Variants in UCP2 observed in about 807,000 individuals in gnomAD.
The protein encoded by UCP2 is uncoupling protein 2.
UCP2 carries 27 observed loss-of-function variants against 31.3 expected under a neutral mutation model. The observed-to-expected ratio is 0.86, with a 90% CI of 0.64 to 1.19. UCP2 has a LOEUF of 1.19. UCP2 is among the 50% of genes most tolerant of loss of function. The pLI is 0.00. For missense variants in UCP2, 377 were observed against 413.5 expected (o/e 0.91, Z 0.76); for synonymous variants, 142 against 157.4 (o/e 0.90, Z 0.73).
At chr11:73,982,342 T>A (rs1004227495) in intron 1 of UCP2, among the ~76,000 whole-genome samples, 2 of 152,236 alleles carry the variant, frequency 1.3e-5, no homozygotes, top group African/African-American at 4.8e-5. Flanking sequence ...ATTCTAGGAC[T>A]TTGTGAGGCC....
chr11:73,974,924 G>T lies in UCP2; in HGVS notation c.*83C>A. ...AAGAGGGAAGGAGAGAAGGGAAGGA[G>T]GGAAGAGAAAGAAGGAAGAAAAGGA... On this transcript the variant is annotated 3_prime_UTR_variant, in exon 8 of 8. Coordinates refer to ENST00000663595, the MANE Select transcript of UCP2 (RefSeq NM_003355.3). 2.6e-6 allele frequency: 3 copies of T among 1,149,490 alleles called. No homozygotes were observed. Among genetic ancestry groups the T allele is most frequent in the South Asian group, 1.3e-5 (1 of 75,982 alleles). The allele number at this position is 1,149,490 out of a possible 1,614,324, so 71.2% of individuals were successfully genotyped here.
In UCP2 at chr11:73,979,329, C is replaced by T. The variant is rs952059183; in HGVS notation, c.-99-852G>A. ...TGGGAGGCTGAGGCGGGCGAATCAC[C>T]TGAGGTCAGGAGTTTGAGACCAGCT... On this transcript the variant is annotated intron_variant, in intron 2 of 7. Transcript: ENST00000663595. 3.3e-5 allele frequency among the ~76,000 whole-genome samples: 5 copies of T among 152,008 alleles called. No individual in the cohort carries two copies. The East Asian group carries it at 9.7e-4, about 29-fold the overall frequency.
chr11:73,982,721 C>A lies in UCP2; in HGVS notation c.-257G>T. On this transcript the variant is annotated splice_region_variant and 5_prime_UTR_variant, in exon 1 of 8. Coordinates refer to ENST00000663595, the MANE Select transcript of UCP2 (RefSeq NM_003355.3). ...GGCGCAGGGCTGGGGCCAGGCTCAC[C>A]GAGCCGCAGGGAGAACACGGCAGTG... 6.6e-6 allele frequency: 1 copy of A among 152,570 alleles called. No homozygotes were observed. The highest frequency in any genetic ancestry group is 1.5e-5 in the Non-Finnish European group (1 of 68,234). 9.5% of individuals were successfully genotyped at this position (152,570 alleles called of 1,614,324 possible).
intron 6 of UCP2, 64 bp downstream of exon 6, chr11:73,976,576 AC>A: frequency 7.8e-7 from 1 of 1,282,294 alleles, no homozygotes. Context: ...TGTCAGCTAG[AC>A]CCCCGCACCT....
chr11:73,979,429 C>G (rs766023106), intron 2 of UCP2, among the ~76,000 whole-genome samples: 1 of 152,210 alleles, frequency 6.6e-6, no homozygotes, highest in East Asian at 1.9e-4. Context: ...CGCCTGTATT[C>G]CCAACTACTT....
chr11:73,977,753 C>T, intron 4 of UCP2, 133 bp downstream of exon 4: 1 of 1,209,612 alleles, frequency 8.3e-7, no homozygotes, highest in Non-Finnish European at 1.2e-6. Flanking sequence ...GGACCAGGGC[C>T]CCTTCCAGTT....
At position 73,976,941 on chromosome 11, in the gene UCP2, A is replaced by G. The variant is rs1276856089; in HGVS notation, c.414T>C (p.Asp138=). The change falls in exon 5 of 8, where the codon GAT becomes GAC. Residue 138 remains aspartate (D), a synonymous_variant. Coordinates refer to ENST00000663595, the MANE Select transcript of UCP2 (RefSeq NM_003355.3). ...GAGCTTGGAATCGGACCTTTACCACATCCGTGGGCTGGGCCACAGCCACAG... is the reference window on the plus strand; with the variant it reads ...GAGCTTGGAATCGGACCTTTACCACGTCCGTGGGCTGGGCCACAGCCACAG... ...ALAVAVAQPT[D]VVKVRFQAQA... 1 of 1,612,018 alleles carries G rather than the reference A, an allele frequency of 6.2e-7. No homozygotes were observed. The highest frequency in any genetic ancestry group is 8.5e-7 in the Non-Finnish European group (1 of 1,178,322).
intron 2 of UCP2, among the ~76,000 whole-genome samples, chr11:73,979,057 C>T (rs752783820): frequency 6.6e-6 from 1 of 152,206 alleles, no homozygotes; most frequent in Non-Finnish European, 1.5e-5. Context: ...ATTGTTTTAG[C>T]AAGACTGCTT....
rs114657699 is a variant in UCP2 at position 73,982,339 on chromosome 11, G to A, written c.-257+382C>T. ...CGGAGGCTCATGCCTAAAATTCTAG[G>A]ACTTTGTGAGGCCGAGGCGGGCGGA... On this transcript the variant is annotated intron_variant, in intron 1 of 7. Transcript: ENST00000663595. Among the ~76,000 whole-genome samples the A allele has an allele frequency of 8.9e-4, 136 of 152,362 alleles. 2 individuals carry two copies. The highest frequency in any genetic ancestry group is 2.7e-3 in the Admixed American group (41 of 15,306).
chr11:73,975,710 C>T, intron 6 of UCP2, 39 bp from the exon 7 acceptor site: 4 of 1,611,522 alleles, frequency 2.5e-6, no homozygotes, highest in Non-Finnish European at 3.4e-6. Context: ...AAGATCTTCA[C>T]CCATCATTCC....
chr11:73,977,488 TG>T (rs45507497), intron 4 of UCP2, among the ~76,000 whole-genome samples: 1,567 of 152,274 alleles, frequency 0.01, 33 homozygotes, highest in African/African-American at 0.035. Context: ...AGGGTTGGCA[TG>T]GCATACTAAG....
At position 73,975,623 on chromosome 11, in the gene UCP2, G is replaced by T; in HGVS notation, c.683C>A (p.Thr228Asn). Residue 228 changes from threonine to asparagine, a missense_variant, in exon 7 of 8, where the codon ACC becomes AAC. Physicochemically the swap from Thr to Asn is moderately conservative, Grantham distance 65. Transcript: ENST00000663595. ...GTCTACAGGGGAGGCGATGACAGTG[G>T]TGCAGAAGCCTGCCCCAAAGGCAGA... ...FTSAFGAGFCTTVIASPVDVV... is the reference protein window; with the variant it reads ...FTSAFGAGFCNTVIASPVDVV... The T allele has an allele frequency of 6.2e-7, 1 of 1,614,258 alleles. No individual in the cohort carries two copies.
intron 2 of UCP2, chr11:73,981,266 A>T (rs1424033347): frequency 6.6e-6 from 1 of 152,228 alleles, no homozygotes; most frequent in Non-Finnish European, 1.5e-5. Context: ...CCTTTATAAA[A>T]TGGGGACCAA....
chr11:73,976,608 G>A (rs948567096), intron 6 of UCP2, 33 bp downstream of exon 6: 23 of 1,571,710 alleles, frequency 1.5e-5, no homozygotes, highest in Non-Finnish European at 2.0e-5. Context: ...TGGGGGAAGG[G>A]TGAGACCCAG....
At chr11:73,978,565 A>C in intron 2 of UCP2, 88 bp from the exon 3 acceptor site, 1 of 802,974 alleles carries the variant, frequency 1.2e-6, no homozygotes. Flanking sequence ...CCCTAATAGA[A>C]CCAAGTCCCT....
At chr11:73,978,133 A>T (rs2135368178) in intron 3 of UCP2, 37 bp from the exon 4 acceptor site, 2 of 1,613,900 alleles carry the variant, frequency 1.2e-6, no homozygotes, top group Admixed American at 3.3e-5. Flanking sequence ...AGGGATAAGC[A>T]TGTTGCCCTT....
chr11:73,977,320 T>G (rs902654664), intron 4 of UCP2, among the ~76,000 whole-genome samples: 1 of 152,226 alleles, frequency 6.6e-6, no homozygotes, highest in Non-Finnish European at 1.5e-5. Context: ...ATCATTTCCA[T>G]CTGACAAATG....
intron 2 of UCP2, 154 bp from the exon 3 acceptor site, chr11:73,978,631 T>C (rs1306198044): frequency 4.8e-5 from 24 of 500,520 alleles, no homozygotes; most frequent in Non-Finnish European, 7.6e-5. Context: ...CGAGAGGCAC[T>C]CAGTTAGGTG....
In UCP2 at chr11:73,975,477, G is replaced by GA. The variant is rs1260304931; in HGVS notation, c.815+13dup. 1 of 1,604,896 alleles carries GA rather than the reference G, an allele frequency of 6.2e-7. No homozygotes were observed. The highest frequency in any genetic ancestry group is 8.5e-7 in the Non-Finnish European group (1 of 1,174,760). On this transcript the variant is annotated intron_variant, in intron 7 of 7. Coordinates refer to ENST00000663595, the MANE Select transcript of UCP2 (RefSeq NM_003355.3). Reference sequence around the variant, plus strand: ...CAAGAGGCCTGAACTGGGTGGGGAGGACCAGAGGCTCACCCTTTGTAGAAG... The same window carrying GA: ...CAAGAGGCCTGAACTGGGTGGGGAGGAACCAGAGGCTCACCCTTTGTAGAAG...
Sources: allele counts gnomAD v4.1 joint callset (sites outside exome capture counted in the v4.1 genomes callset), GRCh38; gene constraint gnomAD v4.1.1; transcripts MANE v1.5; gene names NCBI Gene and HGNC (gene_info 2026-07-23, HGNC 2026-07-21).